Variants in PAX5 observed in about 807,000 individuals in gnomAD.
The protein encoded by PAX5 is paired box 5, also known as paired box protein Pax-5.
PAX5 carries 9 observed loss-of-function variants against 43.7 expected under a neutral mutation model. The observed-to-expected ratio is 0.21, with a 90% confidence interval of 0.12 to 0.36. The LOEUF (loss-of-function observed/expected upper bound fraction) is 0.36, where lower values mean the gene tolerates loss of function less well. Ranked by LOEUF, PAX5 falls within the 10% of genes least tolerant of loss-of-function variation. The pLI is 1.00. For missense variants in PAX5, 383 were observed against 532.7 expected (o/e 0.72, Z 2.77); for synonymous variants, 228 against 214.3 (o/e 1.06, Z -0.56).
intron 8 of PAX5, among the ~76,000 whole-genome samples, chr9:36,861,740 G>A (rs1037177189): frequency 2.0e-5 from 3 of 151,814 alleles, no homozygotes; most frequent in Non-Finnish European, 4.4e-5. Flanking sequence ...TGGGGAGAGG[G>A]GAGAGAAGGC....
intron 5 of PAX5, among the ~76,000 whole-genome samples, chr9:37,000,742 C>T (rs1837778500): frequency 6.6e-6 from 1 of 152,204 alleles, no homozygotes; most frequent in Admixed American, 6.5e-5. Context: ...CGAGGCATCT[C>T]CTTTTATCCT....
intron 1 of PAX5, among the ~76,000 whole-genome samples, chr9:37,024,918 C>T (rs2132525233): frequency 6.6e-6 from 1 of 152,338 alleles, no homozygotes. Flanking sequence ...AGTGCAGGGG[C>T]TGGTGCTCCC....
At chr9:36,891,861 A>G (rs1388953417) in intron 7 of PAX5, among the ~76,000 whole-genome samples, 1 of 152,218 alleles carries the variant, frequency 6.6e-6, no homozygotes, top group African/African-American at 2.4e-5. Flanking sequence ...AGACAATCTC[A>G]GAATCCACTA....
intron 5 of PAX5, among the ~76,000 whole-genome samples, chr9:36,974,907 G>T (rs1835292572): frequency 6.6e-6 from 1 of 152,080 alleles, no homozygotes; most frequent in Admixed American, 6.6e-5. Context: ...CAGGCCGTTT[G>T]TCAGCCCTCA....
At chr9:37,018,877 A>G (rs1839621026) in intron 2 of PAX5, among the ~76,000 whole-genome samples, 1 of 152,154 alleles carries the variant, frequency 6.6e-6, no homozygotes, top group Admixed American at 6.5e-5. Flanking sequence ...GGAGATTTGG[A>G]GGCTCCAGAG....
intron 7 of PAX5, among the ~76,000 whole-genome samples, chr9:36,897,710 C>T (rs1827990309): frequency 6.6e-6 from 1 of 152,276 alleles, no homozygotes; most frequent in Non-Finnish European, 1.5e-5. Context: ...GCTTTCCTGC[C>T]CTTCCCTCTG....
intron 8 of PAX5, among the ~76,000 whole-genome samples, chr9:36,854,445 A>G (rs755383166): frequency 2.1e-4 from 32 of 152,344 alleles, no homozygotes; most frequent in Middle Eastern, 3.4e-3. Flanking sequence ...ACACATACAC[A>G]CACACTGGAT....
chr9:36,952,325 C>T (rs1371280474), intron 6 of PAX5, among the ~76,000 whole-genome samples: 2 of 146,530 alleles, frequency 1.4e-5, no homozygotes, highest in East Asian at 2.0e-4. Context: ...CTGCAACCTC[C>T]GCCTCCCAAG....
At position 36,837,807 on chromosome 9, in the gene PAX5, G is replaced by A. The variant is rs1821747106; in HGVS notation, c.*2753C>T. On this transcript the variant is annotated 3_prime_UTR_variant, in exon 10 of 10. Transcript: ENST00000358127. Reference sequence around the variant, plus strand: ...GGGGGAGCTCATTACAGGGCAAGAAGAGGAACAGGATGGGGAGAGGGGGCC... The same window carrying A: ...GGGGGAGCTCATTACAGGGCAAGAAAAGGAACAGGATGGGGAGAGGGGGCC... 4.3e-6 allele frequency: 1 copy of A among 233,404 alleles called. No individual in the cohort carries two copies. The highest frequency in any genetic ancestry group is 2.2e-5 in the African/African-American group (1 of 45,358). 14.5% of individuals were successfully genotyped at this position (233,404 alleles called of 1,614,324 possible).
intron 6 of PAX5, among the ~76,000 whole-genome samples, chr9:36,944,209 T>C (rs1832310734): frequency 6.6e-6 from 1 of 151,976 alleles, no homozygotes; most frequent in Admixed American, 6.6e-5. Context: ...GATTAAAAAA[T>C]AATAATAATT....
chr9:36,972,319 C>G (rs1322771620), intron 5 of PAX5, among the ~76,000 whole-genome samples: 2 of 152,172 alleles, frequency 1.3e-5, no homozygotes, highest in Non-Finnish European at 2.9e-5. Context: ...GCCAGCAGTC[C>G]CGGGTTCTAG....
At chr9:36,969,208 G>T (rs16933812) in intron 5 of PAX5, among the ~76,000 whole-genome samples, 85,684 of 152,094 alleles carry the variant, frequency 0.56, 25,998 homozygotes, top group East Asian at 0.78. Flanking sequence ...AACAACTCCC[G>T]CTGAGGCCTG....
At chr9:36,901,481 G>A (rs1828388466) in intron 7 of PAX5, among the ~76,000 whole-genome samples, 2 of 152,070 alleles carry the variant, frequency 1.3e-5, no homozygotes, top group South Asian at 4.1e-4. Context: ...CACTTTTGAT[G>A]AGCCAAGAGC....
intron 7 of PAX5, among the ~76,000 whole-genome samples, chr9:36,896,575 C>T (rs1827889505): frequency 6.6e-6 from 1 of 152,164 alleles, no homozygotes; most frequent in African/African-American, 2.4e-5. Flanking sequence ...GCCCATCCCT[C>T]TCCAGCCCTC....
At chr9:36,847,022 C>G (rs1304813614) in intron 8 of PAX5, 93 bp from the exon 9 acceptor site, 9 of 822,820 alleles carry the variant, frequency 1.1e-5, no homozygotes, top group Non-Finnish European at 1.8e-5. Flanking sequence ...TTGCCAATGG[C>G]ATTTGCCTCT....
At chr9:36,901,823 TC>T (rs1828421548) in intron 7 of PAX5, among the ~76,000 whole-genome samples, 1 of 152,158 alleles carries the variant, frequency 6.6e-6, no homozygotes, top group Admixed American at 6.5e-5. Context: ...GTCAAGTCTT[TC>T]CCTGCTGCCC....
intron 8 of PAX5, among the ~76,000 whole-genome samples, chr9:36,859,223 A>G (rs1306134205): frequency 6.6e-6 from 1 of 152,160 alleles, no homozygotes; most frequent in Non-Finnish European, 1.5e-5. Flanking sequence ...GTCCCTGCCC[A>G]CGGAGAGCCC....
At chr9:36,977,455 A>G (rs533904562) in intron 5 of PAX5, among the ~76,000 whole-genome samples, 5 of 152,240 alleles carry the variant, frequency 3.3e-5, no homozygotes, top group African/African-American at 1.2e-4. Context: ...AATCCAGACT[A>G]GGGGCAAGTG....
chr9:36,984,433 C>CTATT, intron 5 of PAX5, among the ~76,000 whole-genome samples: 1 of 48,072 alleles, frequency 2.1e-5, no homozygotes, highest in South Asian at 1.2e-3. Flanking sequence ...TATTGAACCT[C>CTATT]TCTTTTTTTT....
Sources: gnomAD v4.1 joint callset for allele counts (sites outside exome capture counted in the v4.1 genomes callset) on GRCh38, gnomAD v4.1.1 for gene constraint, MANE v1.5 for transcripts, NCBI Gene and HGNC (gene_info 2026-07-23, HGNC 2026-07-21) for gene names.